ATXN10: variants seen among roughly 807,000 people sequenced by gnomAD.
ATXN10 encodes ataxin 10, also known as ataxin-10.
ATXN10 carries 28 observed loss-of-function variants against 52.9 expected under a neutral mutation model. The ratio of observed to expected loss-of-function variants is 0.53; its 90% CI spans 0.39 to 0.73. The LOEUF (loss-of-function observed/expected upper bound fraction) is 0.73, where lower values mean the gene tolerates loss of function less well. Ranked by LOEUF, ATXN10 falls within the 30% of genes least tolerant of loss-of-function variation. The pLI, the probability that ATXN10 is intolerant of heterozygous loss-of-function variation, is 0.00. For missense variants in ATXN10, 565 were observed against 577.0 expected, an observed-to-expected ratio of 0.98 and a Z score of 0.21; for synonymous variants, 226 against 221.5, an observed-to-expected ratio of 1.02 and a Z score of -0.18.
chr22:45,825,844 C>A lies in ATXN10; in HGVS notation c.1238-17147C>A, dbSNP rs768605715. Among the ~76,000 whole-genome samples the A allele has an allele frequency of 6.6e-6, 1 of 152,152 alleles. No homozygotes were observed. Among genetic ancestry groups the A allele is most frequent in the Non-Finnish European group, 1.5e-5 (1 of 68,020 alleles). On this transcript the variant is annotated intron_variant, in intron 10 of 11. Coordinates refer to ENST00000252934, the MANE Select transcript of ATXN10 (RefSeq NM_013236.4). The surrounding 1 kb of genome is among the most constrained non-coding windows in gnomAD (Gnocchi z 4.5). ...CCAGTAATCCCAGCACCTACCAGGGCAGATGGCTTGAGCTCAGGAGTTTGA... is the reference window on the plus strand; with the variant it reads ...CCAGTAATCCCAGCACCTACCAGGGAAGATGGCTTGAGCTCAGGAGTTTGA...
chr22:45,800,196 G>T (rs1927885063), intron 9 of ATXN10, among the ~76,000 whole-genome samples: 1 of 152,062 alleles, frequency 6.6e-6, no homozygotes, highest in African/African-American at 2.4e-5. Context: ...ACAAGCCATG[G>T]TATACGAGAA....
rs943263412 is a variant in ATXN10 at position 45,705,273 on chromosome 22, T to C, written c.647+2426T>C. ...TTTGGTATCAGGTAAATACTGACTT[T>C]ACAGAATGAGGTCTTGTTTTGTTTT... On this transcript the variant is annotated intron_variant, in intron 5 of 11. Coordinates refer to ENST00000252934, the MANE Select transcript of ATXN10 (RefSeq NM_013236.4). This position sits in a 1 kb window ranked among gnomAD's most constrained non-coding sequence, Gnocchi z 5.2. 1.3e-5 allele frequency among the ~76,000 whole-genome samples: 2 copies of C among 152,200 alleles called. No individual in the cohort carries two copies. Among genetic ancestry groups the C allele is most frequent in the African/African-American group, 2.4e-5 (1 of 41,448 alleles).
Position 45,770,683 on chromosome 22 carries a change from T to C in ATXN10, c.1173+30145T>C, listed in dbSNP as rs762594255. On this transcript the variant is annotated intron_variant, in intron 9 of 11. Coordinates refer to ENST00000252934, the MANE Select transcript of ATXN10 (RefSeq NM_013236.4). The surrounding 1 kb of genome is among the most constrained non-coding windows in gnomAD (Gnocchi z 4.5). ...CGGCCTGTCTGAGGCAACAAACTTG[T>C]AAGCATGATAGCTCACTGCAGCTGG... Among the ~76,000 whole-genome samples, 1 of 152,298 alleles carries C rather than the reference T, an allele frequency of 6.6e-6. No individual in the cohort carries two copies. Among genetic ancestry groups the C allele is most frequent in the East Asian group, 1.9e-4 (1 of 5,186 alleles).
At chr22:45,836,483 C>G (rs1220403924) in intron 10 of ATXN10, among the ~76,000 whole-genome samples, 1 of 152,100 alleles carries the variant, frequency 6.6e-6, no homozygotes, top group Non-Finnish European at 1.5e-5. Context: ...GAGGTGGTCC[C>G]AACAGGTAGC....
chr22:45,751,085 C>T (rs1344236999), intron 9 of ATXN10, among the ~76,000 whole-genome samples: 1 of 152,016 alleles, frequency 6.6e-6, no homozygotes, highest in Non-Finnish European at 1.5e-5. Context: ...CATGTGCCAC[C>T]ATGCCTGGCT....
At position 45,790,358 on chromosome 22, in the gene ATXN10, A is replaced by C. The variant is rs1400331449; in HGVS notation, c.1174-16601A>C. On this transcript the variant is annotated intron_variant, in intron 9 of 11. Coordinates refer to ENST00000252934, the MANE Select transcript of ATXN10 (RefSeq NM_013236.4). This position sits in a 1 kb window ranked among gnomAD's most constrained non-coding sequence, Gnocchi z 4.7. ...AAATTAAAAAAGTTAACAGGACACG[A>C]GATTATCAAAACATTGCCCCCCCGC... is the stretch of plus-strand genomic sequence containing the variant. Among the ~76,000 whole-genome samples, 2 of 152,140 alleles carry C rather than the reference A, an allele frequency of 1.3e-5. No individual in the cohort carries two copies. Among genetic ancestry groups the C allele is most frequent in the Non-Finnish European group, 2.9e-5 (2 of 68,026 alleles).
chr22:45,807,727 T>C (rs900712412), intron 10 of ATXN10, among the ~76,000 whole-genome samples: 7 of 152,226 alleles, frequency 4.6e-5, no homozygotes, highest in Non-Finnish European at 8.8e-5. Flanking sequence ...TAAAACCTAC[T>C]GTTTAATTTC....
chr22:45,778,483 C>T (rs1197987299), intron 9 of ATXN10, among the ~76,000 whole-genome samples: 1 of 152,158 alleles, frequency 6.6e-6, no homozygotes, highest in Non-Finnish European at 1.5e-5. Context: ...TCAGTGTGTT[C>T]GTTATTATGC....
In ATXN10 at chr22:45,783,713, T is replaced by A. The variant is rs1569062926; in HGVS notation, c.1174-23246T>A. On this transcript the variant is annotated intron_variant, in intron 9 of 11. Coordinates refer to ENST00000252934, the MANE Select transcript of ATXN10 (RefSeq NM_013236.4). This position sits in a 1 kb window ranked among gnomAD's most constrained non-coding sequence, Gnocchi z 5.0. ...ACCTTTTAGTCCCCAATACAAGGTCTATCACAAAGTAGCTTTCTTTTAAAT... is the reference window on the plus strand; with the variant it reads ...ACCTTTTAGTCCCCAATACAAGGTCAATCACAAAGTAGCTTTCTTTTAAAT... 2.0e-5 allele frequency among the ~76,000 whole-genome samples: 3 copies of A among 152,240 alleles called. No individual in the cohort carries two copies. The highest frequency in any genetic ancestry group is 1.3e-4 in the Admixed American group (2 of 15,286).
At chr22:45,698,661 G>A (rs1923714647) in intron 3 of ATXN10, among the ~76,000 whole-genome samples, 1 of 152,162 alleles carries the variant, frequency 6.6e-6, no homozygotes, top group South Asian at 2.1e-4. Flanking sequence ...TAGATAGCTT[G>A]TGTTTCGCCA....
intron 3 of ATXN10, among the ~76,000 whole-genome samples, chr22:45,699,412 A>G (rs983118135): frequency 2.7e-5 from 4 of 148,746 alleles, no homozygotes; most frequent in Admixed American, 6.7e-5. Context: ...GGCTTTTTGC[A>G]TGTTCAGTTT....
intron 1 of ATXN10, among the ~76,000 whole-genome samples, chr22:45,686,002 G>A (rs890223077): frequency 6.6e-6 from 1 of 152,304 alleles, no homozygotes; most frequent in East Asian, 1.9e-4. Flanking sequence ...TTGCTTAACA[G>A]CAGTCATAAA....
Position 45,740,438 on chromosome 22 carries a change from G to C in ATXN10, c.1073G>C (p.Arg358Thr), listed in dbSNP as rs746492153. The C allele has an allele frequency of 6.2e-7, 1 of 1,613,954 alleles. No individual in the cohort carries two copies. Among genetic ancestry groups the C allele is most frequent in the South Asian group, 1.1e-5 (1 of 91,076 alleles). Residue 358 changes from arginine (R) to threonine (T), a missense_variant, in exon 9 of 12, where the codon AGA becomes ACA. Transcript: ENST00000252934. ...ATCTTCAGTAATTGTGGTTGCGTGA[G>C]AGCAGAAGGTGACATCTCCAATGTG... ...TNIFSNCGCV[R>T]AEGDISNVAN...
chr22:45,839,542 A>G (rs1290777191), intron 10 of ATXN10, among the ~76,000 whole-genome samples: 1 of 152,142 alleles, frequency 6.6e-6, no homozygotes, highest in Non-Finnish European at 1.5e-5. Flanking sequence ...TCTGTGCTCC[A>G]CTTGCCGTAT....
In ATXN10 at chr22:45,840,631, G is replaced by GA. The variant is rs1175973651; in HGVS notation, c.1238-2359dup. Among the ~76,000 whole-genome samples the GA allele has an allele frequency of 6.6e-6, 1 of 152,214 alleles. No individual in the cohort carries two copies. Among genetic ancestry groups the GA allele is most frequent in the Non-Finnish European group, 1.5e-5 (1 of 68,028 alleles). ...GTCTGGCAGGGTCTCACGTGCCCTGGAGTGGAGCAGTTTGATAGTCCCTTT... is the reference window on the plus strand; with the variant it reads ...GTCTGGCAGGGTCTCACGTGCCCTGGAAGTGGAGCAGTTTGATAGTCCCTTT... On this transcript the variant is annotated intron_variant, in intron 10 of 11. Transcript: ENST00000252934. This position sits in a 1 kb window ranked among gnomAD's most constrained non-coding sequence, Gnocchi z 5.8.
chr22:45,789,993 G>A lies in ATXN10; in HGVS notation c.1174-16966G>A, dbSNP rs135998. On this transcript the variant is annotated intron_variant, in intron 9 of 11. Coordinates refer to ENST00000252934, the MANE Select transcript of ATXN10 (RefSeq NM_013236.4). The surrounding 1 kb of genome is among the most constrained non-coding windows in gnomAD (Gnocchi z 4.0). ...AAGGCCTACATTCATTGTAATAATA[G>A]AATGCCCATAAGAGACACTCCATAT... 0.87 allele frequency among the ~76,000 whole-genome samples: 132,965 copies of A among 152,174 alleles called. 58,384 individuals are homozygous for A. Among genetic ancestry groups the A allele is most frequent in the African/African-American group, 0.96 (40,045 of 41,526 alleles).
intron 6 of ATXN10, among the ~76,000 whole-genome samples, chr22:45,725,370 C>T (rs1201041610): frequency 6.8e-6 from 1 of 147,444 alleles, no homozygotes. Flanking sequence ...GATCTTTCAC[C>T]TTCTTGGTTA....
Position 45,769,529 on chromosome 22 carries a change from T to C in ATXN10, c.1173+28991T>C, listed in dbSNP as rs989804087. ...CTTGAGGAATGGTGGGTAGCAGTTATGTGGCGATGAAGAGACTATTTCAAA... is the reference window on the plus strand; with the variant it reads ...CTTGAGGAATGGTGGGTAGCAGTTACGTGGCGATGAAGAGACTATTTCAAA... On this transcript the variant is annotated intron_variant, in intron 9 of 11. Coordinates refer to ENST00000252934, the MANE Select transcript of ATXN10 (RefSeq NM_013236.4). The surrounding 1 kb of genome is among the most constrained non-coding windows in gnomAD (Gnocchi z 4.2). Among the ~76,000 whole-genome samples the C allele has an allele frequency of 3.3e-5, 5 of 152,150 alleles. No individual in the cohort carries two copies. Among genetic ancestry groups the C allele is most frequent in the Admixed American group, 1.3e-4 (2 of 15,274 alleles).
In ATXN10 at chr22:45,763,360, C is replaced by T. The variant is rs1036352378; in HGVS notation, c.1173+22822C>T. 2.0e-5 allele frequency among the ~76,000 whole-genome samples: 3 copies of T among 152,272 alleles called. No individual in the cohort carries two copies. Among genetic ancestry groups the T allele is most frequent in the Middle Eastern group, 3.4e-3 (1 of 294 alleles). On this transcript the variant is annotated intron_variant, in intron 9 of 11. Transcript: ENST00000252934. The surrounding 1 kb of genome is among the most constrained non-coding windows in gnomAD (Gnocchi z 6.9). The stretch of plus-strand genomic sequence containing the variant: ...TGAGGCTGAGTGGGAGTGAAGGTTT[C>T]GTCAAGGTTACGAAAGGCCTTTGAG...
Sources: allele counts gnomAD v4.1 joint callset (sites outside exome capture counted in the v4.1 genomes callset), GRCh38; gene constraint gnomAD v4.1.1; non-coding constraint Gnocchi (gnomAD v3.1); transcripts MANE v1.5; gene names NCBI Gene and HGNC (gene_info 2026-07-23, HGNC 2026-07-21).